The following LRRC14 variants were observed in gnomAD, a reference collection of about 807,000 sequenced individuals.
The protein encoded by LRRC14 is leucine rich repeat containing 14, also known as leucine-rich repeat-containing protein 14.
In LRRC14, 16 loss-of-function variants were observed where a neutral mutation model predicts 25.3. The observed-to-expected ratio is 0.63, with a 90% CI of 0.43 to 0.96. The LOEUF is 0.96. LRRC14 is among the 40% of genes least tolerant of loss of function. The pLI, the probability that LRRC14 is intolerant of heterozygous loss-of-function variation, is 0.00. For missense variants in LRRC14, 594 were observed against 660.5 expected, an observed-to-expected ratio of 0.90 and a Z score of 1.10; for synonymous variants, 359 against 295.1, an observed-to-expected ratio of 1.22 and a Z score of -2.22.
Position 144,523,621 on chromosome 8 carries a change from G to T in LRRC14, c.*2143G>T. On this transcript the variant is annotated 3_prime_UTR_variant, in exon 4 of 4. Coordinates refer to ENST00000292524, the MANE Select transcript of LRRC14 (RefSeq NM_014665.4). ...CCCCCCTCCCCTTTAGCTCTGTGATGCCTGCCTGTTACAGATCACTTCTCC... is the reference window on the plus strand; with the variant it reads ...CCCCCCTCCCCTTTAGCTCTGTGATTCCTGCCTGTTACAGATCACTTCTCC... 1.6e-6 allele frequency: 1 copy of T among 629,266 alleles called. No individual in the cohort carries two copies. The highest frequency in any genetic ancestry group is 2.4e-6 in the Non-Finnish European group (1 of 413,208). 39.0% of individuals were successfully genotyped at this position (629,266 alleles called of 1,614,324 possible). A position where few individuals can be genotyped will look rare whatever the true frequency, so the allele number is the denominator to read the frequency against.
chr8:144,520,581 G>C lies in LRRC14; in HGVS notation c.673G>C (p.Val225Leu). 6.2e-7 allele frequency: 1 copy of C among 1,600,630 alleles called. No homozygotes were observed. Among genetic ancestry groups the C allele is most frequent in the Non-Finnish European group, 8.5e-7 (1 of 1,179,938 alleles). The part of the protein sequence containing the change: ...QLLDAGCLRR[V>L]DLRFNNLGLR... ...TCTGGATGCAGGCTGCCTGCGCCGC[G>C]TGGACCTGCGCTTCAACAATCTGGG... The change falls in exon 3 of 4, where the codon GTG becomes CTG. Residue 225 changes from valine (V) to leucine (L), a missense_variant. Transcript: ENST00000292524.
rs1236395497 is a variant in LRRC14, at chr8:144,524,602, C to T, written c.*3124C>T. 6.5e-7 allele frequency: 1 copy of T among 1,527,476 alleles called. No individual in the cohort carries two copies. The highest frequency in any genetic ancestry group is 8.7e-7 in the Non-Finnish European group (1 of 1,146,174). 94.6% of individuals were successfully genotyped at this position (1,527,476 alleles called of 1,614,324 possible). A position where few individuals can be genotyped will look rare whatever the true frequency, so the allele number is the denominator to read the frequency against. On this transcript the variant is annotated 3_prime_UTR_variant, in exon 4 of 4. Transcript: ENST00000292524. The stretch of plus-strand genomic sequence containing the variant: ...AGCAGGCGCGGCTGCGCGCGGAAGG[C>T]GCCGGCCTCCAGGGCGCGCAGGCTG...
chr8:144,522,432 C>T lies in LRRC14; in HGVS notation c.*954C>T, dbSNP rs1203949939. 7.2e-7 allele frequency: 1 copy of T among 1,384,792 alleles called. No homozygotes were observed. Among genetic ancestry groups the T allele is most frequent in the Non-Finnish European group, 9.3e-7 (1 of 1,077,684 alleles). 85.8% of individuals were successfully genotyped at this position (1,384,792 alleles called of 1,614,324 possible). ...CTGACGGAGCATGCGCGAGGCCGCA[C>T]CGGCCAATCTCCGGCGCCCACGTCA... On this transcript the variant is annotated 3_prime_UTR_variant, in exon 4 of 4. Coordinates refer to ENST00000292524, the MANE Select transcript of LRRC14 (RefSeq NM_014665.4).
At position 144,522,137 on chromosome 8, in the gene LRRC14, T is replaced by G; in HGVS notation, c.*659T>G. 1 of 302,894 alleles carries G rather than the reference T, an allele frequency of 3.3e-6. No individual in the cohort carries two copies. Among genetic ancestry groups the G allele is most frequent in the Admixed American group, 5.2e-5 (1 of 19,412 alleles). The allele number at this position is 302,894 out of a possible 1,614,324, so 18.8% of individuals were successfully genotyped here. A position where few individuals can be genotyped will look rare whatever the true frequency, so the allele number is the denominator to read the frequency against. Reference sequence around the variant, plus strand: ...GCCATCCAGCCTGTCGCCCCGCCCTTCGCGGGGCAGCCCCGTCGGCACTGC... The same window carrying G: ...GCCATCCAGCCTGTCGCCCCGCCCTGCGCGGGGCAGCCCCGTCGGCACTGC... On this transcript the variant is annotated 3_prime_UTR_variant, in exon 4 of 4. Transcript: ENST00000292524.
In LRRC14 at chr8:144,522,516, G is replaced by C. The variant is rs1482164281; in HGVS notation, c.*1038G>C. On this transcript the variant is annotated 3_prime_UTR_variant, in exon 4 of 4. Coordinates refer to ENST00000292524, the MANE Select transcript of LRRC14 (RefSeq NM_014665.4). Reference sequence around the variant, plus strand: ...TAGGCGACCGGCGGGGGCACGCGGAGTCCCGGCCCCGCCCCCTGTTCCGGG... The same window carrying C: ...TAGGCGACCGGCGGGGGCACGCGGACTCCCGGCCCCGCCCCCTGTTCCGGG... The C allele has an allele frequency of 1.7e-5, 26 of 1,506,320 alleles. No individual in the cohort carries two copies. The highest frequency in any genetic ancestry group is 1.9e-4 in the Middle Eastern group (1 of 5,374). The allele number at this position is 1,506,320 out of a possible 1,614,324, so 93.3% of individuals were successfully genotyped here.
At position 144,522,912 on chromosome 8, in the gene LRRC14, G is replaced by T; in HGVS notation, c.*1434G>T. ...GGCGGCGGTTGCGCGGGCTGCTGCG[G>T]CTGCTGCCGGGACGCGTTGACCAGG... On this transcript the variant is annotated 3_prime_UTR_variant, in exon 4 of 4. Coordinates refer to ENST00000292524, the MANE Select transcript of LRRC14 (RefSeq NM_014665.4). The T allele has an allele frequency of 7.2e-7, 1 of 1,390,502 alleles. No homozygotes were observed. The allele number at this position is 1,390,502 out of a possible 1,614,324, so 86.1% of individuals were successfully genotyped here. A position where few individuals can be genotyped will look rare whatever the true frequency, so the allele number is the denominator to read the frequency against.
chr8:144,520,375 C>T lies in LRRC14; in HGVS notation c.467C>T (p.Ala156Val), dbSNP rs764886284. The T allele has an allele frequency of 4.3e-6, 7 of 1,610,932 alleles. No homozygotes were observed. Among genetic ancestry groups the T allele is most frequent in the African/African-American group, 1.3e-5 (1 of 75,078 alleles). The change falls in exon 3 of 4, where the codon GCA (alanine) becomes GTA (valine). Residue 156 changes from alanine to valine, a missense_variant. Coordinates refer to ENST00000292524, the MANE Select transcript of LRRC14 (RefSeq NM_014665.4). ...TCIAQQQGGA[A>V]EPGPAPIPVE... Reference sequence around the variant, plus strand: ...ATTGCCCAGCAGCAGGGTGGGGCCGCAGAGCCTGGGCCAGCCCCCATCCCC... The same window carrying T: ...ATTGCCCAGCAGCAGGGTGGGGCCGTAGAGCCTGGGCCAGCCCCCATCCCC...
rs1282006911 is a variant in LRRC14, at chr8:144,524,678, C to T, written c.*3200C>T. On this transcript the variant is annotated 3_prime_UTR_variant, in exon 4 of 4. Coordinates refer to ENST00000292524, the MANE Select transcript of LRRC14 (RefSeq NM_014665.4). ...GAGCGGCGAGTGGCGCCAGGGCTCCCGGCTCTAGGCGGGCGATGTTGTTGT... is the reference window on the plus strand; with the variant it reads ...GAGCGGCGAGTGGCGCCAGGGCTCCTGGCTCTAGGCGGGCGATGTTGTTGT... 5 of 1,474,938 alleles carry T rather than the reference C, an allele frequency of 3.4e-6. No homozygotes were observed. The highest frequency in any genetic ancestry group is 2.9e-5 in the African/African-American group (2 of 68,528). The allele number at this position is 1,474,938 out of a possible 1,614,324, so 91.4% of individuals were successfully genotyped here. A position where few individuals can be genotyped will look rare whatever the true frequency, so the allele number is the denominator to read the frequency against.
chr8:144,524,757 CG>C lies in LRRC14; in HGVS notation c.*3284del. 7.0e-7 allele frequency: 1 copy of C among 1,433,454 alleles called. No homozygotes were observed. The highest frequency in any genetic ancestry group is 9.1e-7 in the Non-Finnish European group (1 of 1,099,146). The allele number at this position is 1,433,454 out of a possible 1,614,324, so 88.8% of individuals were successfully genotyped here. A position where few individuals can be genotyped will look rare whatever the true frequency, so the allele number is the denominator to read the frequency against. On this transcript the variant is annotated 3_prime_UTR_variant, in exon 4 of 4. Transcript: ENST00000292524. ...GAAAGAGGAGGCGCTTACCCCGTTGCGGGGGTCTTCCTCTCCCTGGGGGCAC... is the reference window on the plus strand; with the variant it reads ...GAAAGAGGAGGCGCTTACCCCGTTGCGGGGTCTTCCTCTCCCTGGGGGCAC...
rs761335492 is a variant in LRRC14 at position 144,522,764 on chromosome 8, G to A, written c.*1286G>A. On this transcript the variant is annotated 3_prime_UTR_variant, in exon 4 of 4. Coordinates refer to ENST00000292524, the MANE Select transcript of LRRC14 (RefSeq NM_014665.4). Reference sequence around the variant, plus strand: ...ACAGATCATGGCGACCAGGAGCAGCGCCGTGAGCGCCAGCAGCGCGATGGC... The same window carrying A: ...ACAGATCATGGCGACCAGGAGCAGCACCGTGAGCGCCAGCAGCGCGATGGC... The A allele has an allele frequency of 1.9e-6, 3 of 1,574,356 alleles. No individual in the cohort carries two copies. In the South Asian group the frequency reaches 3.5e-5, roughly 18 times the overall value.
rs1273209468 is a variant in LRRC14 at position 144,522,562 on chromosome 8, C to G, written c.*1084C>G. 1.3e-6 allele frequency: 2 copies of G among 1,547,376 alleles called. No individual in the cohort carries two copies. The highest frequency in any genetic ancestry group is 1.7e-6 in the Non-Finnish European group (2 of 1,149,270). On this transcript the variant is annotated 3_prime_UTR_variant, in exon 4 of 4. Coordinates refer to ENST00000292524, the MANE Select transcript of LRRC14 (RefSeq NM_014665.4). ...CCGGGCCGCAGTCAGCGGGCGCCTCCGCCGGACCCTCGGCGAAGAGCGGCT... is the reference window on the plus strand; with the variant it reads ...CCGGGCCGCAGTCAGCGGGCGCCTCGGCCGGACCCTCGGCGAAGAGCGGCT...
Position 144,524,626 on chromosome 8 carries a change from T to G in LRRC14, c.*3148T>G. 6.6e-7 allele frequency: 1 copy of G among 1,522,466 alleles called. No individual in the cohort carries two copies. The highest frequency in any genetic ancestry group is 8.7e-7 in the Non-Finnish European group (1 of 1,142,952). The allele number at this position is 1,522,466 out of a possible 1,614,324, so 94.3% of individuals were successfully genotyped here. ...GCGCCGGCCTCCAGGGCGCGCAGGC[T>G]GTTGTTGTGCAGGTAGAGCCGGCGC... On this transcript the variant is annotated 3_prime_UTR_variant, in exon 4 of 4. Transcript: ENST00000292524.
chr8:144,524,109 C>T lies in LRRC14; in HGVS notation c.*2631C>T. 3 of 1,596,642 alleles carry T rather than the reference C, an allele frequency of 1.9e-6. No individual in the cohort carries two copies. The highest frequency in any genetic ancestry group is 2.6e-6 in the Non-Finnish European group (3 of 1,167,928). ...AGAGACGCTTTCCGAGGAAGAGGTACCTGTGAGGCGCAGGACTTGCAGACT... is the reference window on the plus strand; with the variant it reads ...AGAGACGCTTTCCGAGGAAGAGGTATCTGTGAGGCGCAGGACTTGCAGACT... On this transcript the variant is annotated 3_prime_UTR_variant, in exon 4 of 4. Transcript: ENST00000292524.
At position 144,523,267 on chromosome 8, in the gene LRRC14, T is replaced by A; in HGVS notation, c.*1789T>A. The A allele has an allele frequency of 1.2e-6, 2 of 1,610,912 alleles. No homozygotes were observed. The highest frequency in any genetic ancestry group is 2.2e-5 in the South Asian group (2 of 90,850). ...GAATGCAGATGAGGCTGCTGTGGGATACGTCCAGGAGACTCTGGAGCGCCA... is the reference window on the plus strand; with the variant it reads ...GAATGCAGATGAGGCTGCTGTGGGAAACGTCCAGGAGACTCTGGAGCGCCA... On this transcript the variant is annotated 3_prime_UTR_variant, in exon 4 of 4. Transcript: ENST00000292524.
chr8:144,522,528 C>G lies in LRRC14; in HGVS notation c.*1050C>G, dbSNP rs748914137. On this transcript the variant is annotated 3_prime_UTR_variant, in exon 4 of 4. Transcript: ENST00000292524. ...GGGGGCACGCGGAGTCCCGGCCCCGCCCCCTGTTCCGGGCCGCAGTCAGCG... is the reference window on the plus strand; with the variant it reads ...GGGGGCACGCGGAGTCCCGGCCCCGGCCCCTGTTCCGGGCCGCAGTCAGCG... The G allele has an allele frequency of 2.6e-6, 4 of 1,517,674 alleles. No individual in the cohort carries two copies. Among genetic ancestry groups the G allele is most frequent in the Non-Finnish European group, 8.8e-7 (1 of 1,135,394 alleles). The allele number at this position is 1,517,674 out of a possible 1,614,324, so 94.0% of individuals were successfully genotyped here. A position where few individuals can be genotyped will look rare whatever the true frequency, so the allele number is the denominator to read the frequency against.
rs778012484 is a variant in LRRC14, at chr8:144,521,061, C to T, written c.1065C>T (p.Pro355=). The T allele has an allele frequency of 1.9e-6, 3 of 1,613,034 alleles. No homozygotes were observed. The highest frequency in any genetic ancestry group is 2.5e-6 in the Non-Finnish European group (3 of 1,180,024). Residue 355 remains proline, a synonymous_variant, in exon 4 of 4, where the codon CCC becomes CCT. Coordinates refer to ENST00000292524, the MANE Select transcript of LRRC14 (RefSeq NM_014665.4). ...GNDLSGSQLA[P]FQGLLQASAA... is the part of the protein sequence containing the mutation. ...ACCTGTCTGGCAGCCAGCTGGCACC[C>T]TTCCAGGGTCTGTTGCAGGCATCAG...
In LRRC14 at chr8:144,523,008, G is replaced by T; in HGVS notation, c.*1530G>T. Reference sequence around the variant, plus strand: ...CACTCGTACTTACCGGCGTGCGCCAGCGTGATGTTGCTGAGGAAGAGCATG... The same window carrying T: ...CACTCGTACTTACCGGCGTGCGCCATCGTGATGTTGCTGAGGAAGAGCATG... On this transcript the variant is annotated 3_prime_UTR_variant, in exon 4 of 4. Transcript: ENST00000292524. The T allele has an allele frequency of 6.3e-7, 1 of 1,596,906 alleles. No homozygotes were observed. Among genetic ancestry groups the T allele is most frequent in the South Asian group, 1.1e-5 (1 of 90,376 alleles).
chr8:144,523,617 T>C lies in LRRC14; in HGVS notation c.*2139T>C, dbSNP rs1816223094. On this transcript the variant is annotated 3_prime_UTR_variant, in exon 4 of 4. Transcript: ENST00000292524. The stretch of plus-strand genomic sequence containing the variant: ...CTCGCCCCCCTCCCCTTTAGCTCTG[T>C]GATGCCTGCCTGTTACAGATCACTT... 4.6e-6 allele frequency: 3 copies of C among 655,548 alleles called. No homozygotes were observed. Among genetic ancestry groups the C allele is most frequent in the African/African-American group, 1.9e-5 (1 of 52,614 alleles). The allele number at this position is 655,548 out of a possible 1,614,324, so 40.6% of individuals were successfully genotyped here. A position where few individuals can be genotyped will look rare whatever the true frequency, so the allele number is the denominator to read the frequency against.
At position 144,523,647 on chromosome 8, in the gene LRRC14, G is replaced by A; in HGVS notation, c.*2169G>A. ...CCTGCCTGTTACAGATCACTTCTCC[G>A]TCGGTCTCTGAGAAAGCACCTGCTC... is the stretch of plus-strand genomic sequence containing the variant. On this transcript the variant is annotated 3_prime_UTR_variant, in exon 4 of 4. Coordinates refer to ENST00000292524, the MANE Select transcript of LRRC14 (RefSeq NM_014665.4). The A allele has an allele frequency of 5.8e-6, 3 of 518,252 alleles. No individual in the cohort carries two copies. The highest frequency in any genetic ancestry group is 3.4e-5 in the East Asian group (1 of 29,074). 32.1% of individuals were successfully genotyped at this position (518,252 alleles called of 1,614,324 possible). A position where few individuals can be genotyped will look rare whatever the true frequency, so the allele number is the denominator to read the frequency against.
Sources: allele counts gnomAD v4.1 joint callset, GRCh38; gene constraint gnomAD v4.1.1; transcripts MANE v1.5; gene names NCBI Gene and HGNC (gene_info 2026-07-23, HGNC 2026-07-21).